Variants in OSGEPL1 observed in about 807,000 individuals in gnomAD.
The protein encoded by OSGEPL1 is O-sialoglycoprotein endopeptidase like 1.
OSGEPL1 carries 26 observed loss-of-function variants against 37.2 expected under a neutral mutation model. That is an observed-to-expected ratio of 0.70 (90% CI 0.51 to 0.97). The LOEUF (loss-of-function observed/expected upper bound fraction) is 0.97, where lower values mean the gene tolerates loss of function less well. OSGEPL1 is among the 50% of genes least tolerant of loss of function. The pLI is 0.00. For missense variants in OSGEPL1, 404 were observed against 487.0 expected, an observed-to-expected ratio of 0.83 and a Z score of 1.60; for synonymous variants, 140 against 159.9, an observed-to-expected ratio of 0.88 and a Z score of 0.94.
chr2:189,757,513 A>G (rs1449295505), intron 2 of OSGEPL1, among the ~76,000 whole-genome samples: 1 of 152,254 alleles, frequency 6.6e-6, no homozygotes, highest in Non-Finnish European at 1.5e-5. Context: ...TAAAAGCTTT[A>G]AAGGAATTCA....
intron 1 of OSGEPL1, 45 bp from the exon 2 acceptor site, chr2:189,761,705 T>C: frequency 2.1e-6 from 3 of 1,440,092 alleles, no homozygotes; most frequent in Non-Finnish European, 2.7e-6. Context: ...CAACTGACAT[T>C]AGCCAGCTTA....
intron 8 of OSGEPL1, among the ~76,000 whole-genome samples, chr2:189,749,073 C>T (rs919232760): frequency 6.6e-6 from 1 of 151,726 alleles, no homozygotes; most frequent in African/African-American, 2.4e-5. Flanking sequence ...GGTGAAACCC[C>T]ATCTCTACTA....
Position 189,755,419 on chromosome 2 carries a change from A to T in OSGEPL1, c.363T>A (p.Ala121=), listed in dbSNP as rs928978578. The T allele has an allele frequency of 1.2e-6, 2 of 1,609,906 alleles. No individual in the cohort carries two copies. The highest frequency in any genetic ancestry group is 1.7e-6 in the Non-Finnish European group (2 of 1,179,036). The change falls in exon 3 of 9, where the codon GCT becomes GCA. Residue 121 remains alanine (A), a synonymous_variant. Coordinates refer to ENST00000264151, the MANE Select transcript of OSGEPL1 (RefSeq NM_022353.3). Reference sequence around the variant, plus strand: ...ATGATAAGCCCACTCCCAGGCTTAAAGCAAGTCCTGGTTTTATGGTAGTTG... The same window carrying T: ...ATGATAAGCCCACTCCCAGGCTTAATGCAAGTCCTGGTTTTATGGTAGTTG... ...AIATTIKPGL[A]LSLGVGLSFS...
intron 2 of OSGEPL1, among the ~76,000 whole-genome samples, chr2:189,759,132 C>T (rs1349902473): frequency 6.6e-6 from 1 of 152,198 alleles, no homozygotes; most frequent in East Asian, 1.9e-4. Context: ...TTCACAGTGC[C>T]TTACTAATAT....
chr2:189,749,563 A>C (rs2044775996), intron 8 of OSGEPL1, among the ~76,000 whole-genome samples: 2 of 152,190 alleles, frequency 1.3e-5, no homozygotes, highest in African/African-American at 2.4e-5. Context: ...AATCCAAAAA[A>C]ACTCCCTCAT....
intron 8 of OSGEPL1, among the ~76,000 whole-genome samples, chr2:189,750,152 T>C (rs1042987095): frequency 1.3e-5 from 2 of 152,104 alleles, no homozygotes; most frequent in Admixed American, 6.6e-5. Flanking sequence ...AAAAAAAAAT[T>C]AAACTGCTCT....
chr2:189,763,131 A>G, upstream of OSGEPL1: 2 of 984,904 alleles, frequency 2.0e-6, no homozygotes, highest in Non-Finnish European at 2.4e-6. Flanking sequence ...TTTTAAGGGA[A>G]CTATCATCAA....
intron 5 of OSGEPL1, 156 bp from the exon 6 acceptor site, chr2:189,753,135 G>T: frequency 1.8e-6 from 1 of 547,054 alleles, no homozygotes; most frequent in South Asian, 5.5e-5. Context: ...ATAAAAATTT[G>T]GAAAGAAAAA....
intron 8 of OSGEPL1, among the ~76,000 whole-genome samples, chr2:189,748,558 ATAT>A (rs1411696095): frequency 2.0e-5 from 3 of 152,222 alleles, no homozygotes; most frequent in African/African-American, 7.2e-5. Context: ...TTTAATCTTC[ATAT>A]TTACTTCTAA....
chr2:189,746,741 T>C lies in OSGEPL1; in HGVS notation c.*456A>G. On this transcript the variant is annotated 3_prime_UTR_variant, in exon 9 of 9. Transcript: ENST00000264151. ...AATAATCTTTTTGAATGAAAGTTCT[T>C]GATCTCGATACTAAGCAGATTTTCC... 8.7e-7 allele frequency: 1 copy of C among 1,152,338 alleles called. No individual in the cohort carries two copies. The highest frequency in any genetic ancestry group is 1.2e-6 in the Non-Finnish European group (1 of 849,924). 71.4% of individuals were successfully genotyped at this position (1,152,338 alleles called of 1,614,324 possible).
At position 189,755,251 on chromosome 2, in the gene OSGEPL1, CAACA is replaced by C; in HGVS notation, c.527_530del (p.Leu176ArgfsTer3). On this transcript the variant is annotated frameshift_variant, in exon 3 of 9. Coordinates refer to ENST00000264151, the MANE Select transcript of OSGEPL1 (RefSeq NM_022353.3). LOFTEE classifies it high-confidence loss of function. ...AATCTGAAACTCCTTGAACTAATGC[CAACA>C]GACAGTGACCTCCAGAAATCAAAAG... 1 of 1,613,514 alleles carries C rather than the reference CAACA, an allele frequency of 6.2e-7. No individual in the cohort carries two copies. Among genetic ancestry groups the C allele is most frequent in the Non-Finnish European group, 8.5e-7 (1 of 1,179,726 alleles).
chr2:189,760,362 G>A (rs1330121940), intron 2 of OSGEPL1, among the ~76,000 whole-genome samples: 2 of 152,128 alleles, frequency 1.3e-5, no homozygotes, highest in South Asian at 4.1e-4. Flanking sequence ...CCCCTAAGAC[G>A]GGGCGGCTGC....
In OSGEPL1 at chr2:189,761,523, A is replaced by G. The variant is rs1223816672; in HGVS notation, c.118T>C (p.Leu40=). The G allele has an allele frequency of 6.2e-7, 1 of 1,612,820 alleles. No homozygotes were observed. The highest frequency in any genetic ancestry group is 1.1e-5 in the South Asian group (1 of 90,626). The change falls in exon 2 of 9, where the codon TTG becomes CTG. Residue 40 remains leucine (L), a synonymous_variant. Coordinates refer to ENST00000264151, the MANE Select transcript of OSGEPL1 (RefSeq NM_022353.3). The part of the protein sequence containing the change: ...PGTLFLHKIV[L]GIETSCDDTA... ...TCATCACAACTAGTTTCAATTCCCA[A>G]TACTATTTTATGAAGAAATAGTGTT...
rs1313226311 is a variant in OSGEPL1 at position 189,750,580 on chromosome 2, A to G, written c.1243T>C (p.Ter415ArgextTer47). 3 of 1,557,378 alleles carry G rather than the reference A, an allele frequency of 1.9e-6. No homozygotes were observed. The highest frequency in any genetic ancestry group is 2.3e-5 in the South Asian group (2 of 85,768). The change falls in exon 8 of 9, where the codon TGA becomes CGA. Residue 415 changes from the stop codon to arginine (R), a stop_lost. Coordinates refer to ENST00000264151, the MANE Select transcript of OSGEPL1 (RefSeq NM_022353.3). ...GGGACTTTTTTGAACAGCAGAAATC[A>G]TATCTCCATTTTTAATTGTGGTACT... ...IKVPQLKMEI[*>R]
chr2:189,761,273 G>T (rs1397834135), intron 2 of OSGEPL1, 147 bp downstream of exon 2: 2 of 752,738 alleles, frequency 2.7e-6, no homozygotes, highest in African/African-American at 1.8e-5. Flanking sequence ...AGGATGAAGT[G>T]TTTGAGGTTT....
At position 189,754,885 on chromosome 2, in the gene OSGEPL1, G is replaced by A. The variant is rs116128340; in HGVS notation, c.609+288C>T. The A allele has an allele frequency of 6.3e-4, 227 of 358,960 alleles. 2 individuals carry two copies. Among genetic ancestry groups the A allele is most frequent in the African/African-American group, 4.7e-3 (215 of 46,136 alleles). The allele number at this position is 358,960 out of a possible 1,614,324, so 22.2% of individuals were successfully genotyped here. A position where few individuals can be genotyped will look rare whatever the true frequency, so the allele number is the denominator to read the frequency against. On this transcript the variant is annotated intron_variant, in intron 3 of 8. Coordinates refer to ENST00000264151, the MANE Select transcript of OSGEPL1 (RefSeq NM_022353.3). ...CCTTTTTTGCAGTATGTTAGTTTAC[G>A]AAGCACGTTCTTTCACATACATTAT...
rs764380480 is a variant in OSGEPL1 at position 189,755,463 on chromosome 2, T to C, written c.319A>G (p.Ser107Gly). 19 of 1,604,394 alleles carry C rather than the reference T, an allele frequency of 1.2e-5. No homozygotes were observed. Among genetic ancestry groups the C allele is most frequent in the Non-Finnish European group, 1.5e-5 (18 of 1,177,750 alleles). ...GTAGTTGCAATTGCTGAGAGGTCAC[T>C]TGGAGAGACTCCACTGGCAGAAAGA... ...EALSASGVSPSDLSAIATTIK... is the reference protein window; with the variant it reads ...EALSASGVSPGDLSAIATTIK... The change falls in exon 3 of 9, where the codon AGT becomes GGT. Residue 107 changes from serine (S) to glycine (G), a missense_variant. Physicochemically the swap from Ser to Gly is moderately conservative, Grantham distance 56. Transcript: ENST00000264151.
chr2:189,755,050 T>A, intron 3 of OSGEPL1, 123 bp downstream of exon 3: 5 of 1,183,952 alleles, frequency 4.2e-6, no homozygotes, highest in Non-Finnish European at 2.3e-6. Flanking sequence ...ATATGTGAAT[T>A]TTTTTCAGTT....
intron 2 of OSGEPL1, among the ~76,000 whole-genome samples, chr2:189,759,253 C>CT (rs111345865): frequency 0.069 from 9,979 of 144,480 alleles, 368 homozygotes; most frequent in African/African-American, 0.084. Flanking sequence ...GTTAATTTTC[C>CT]TTTTTTTTTT....
Sources: gnomAD v4.1 joint callset for allele counts (sites outside exome capture counted in the v4.1 genomes callset) on GRCh38, gnomAD v4.1.1 for gene constraint, MANE v1.5 for transcripts, NCBI Gene and HGNC (gene_info 2026-07-23, HGNC 2026-07-21) for gene names.